SIPA1L1: variants seen among roughly 807,000 people sequenced by gnomAD.
SIPA1L1 encodes the protein signal-induced proliferation-associated 1-like protein 1.
SIPA1L1 carries 26 observed loss-of-function variants against 162.7 expected under a neutral mutation model. That is an observed-to-expected ratio of 0.16 (90% confidence interval 0.12 to 0.22). SIPA1L1 has a LOEUF of 0.22. Ranked by LOEUF, SIPA1L1 falls within the 10% of genes least tolerant of loss-of-function variation. The pLI is 1.00. For missense variants in SIPA1L1, 1,874 were observed against 2,241.0 expected (o/e 0.84, Z 3.31); for synonymous variants, 829 against 837.4 (o/e 0.99, Z 0.17).
At chr14:71,375,577 C>T (rs2039297665) in intron 2 of SIPA1L1, among the ~76,000 whole-genome samples, 3 of 152,106 alleles carry the variant, frequency 2.0e-5, no homozygotes, top group African/African-American at 4.8e-5. Context: ...TTATGCTTTA[C>T]ACCTCTTTTT....
chr14:71,438,585 A>G (rs149792653), intron 2 of SIPA1L1, among the ~76,000 whole-genome samples: 567 of 152,344 alleles, frequency 3.7e-3, no homozygotes, highest in Non-Finnish European at 5.6e-3. Flanking sequence ...CGCATGTGGT[A>G]AAAGGACCAC....
intron 19 of SIPA1L1, among the ~76,000 whole-genome samples, chr14:71,726,292 C>T (rs1241311777): frequency 6.6e-6 from 1 of 152,192 alleles, no homozygotes. Context: ...CCTTAGCAAC[C>T]TTGCGAAAGA....
At chr14:71,680,815 T>C (rs1271916088) in intron 12 of SIPA1L1, among the ~76,000 whole-genome samples, 1 of 152,124 alleles carries the variant, frequency 6.6e-6, no homozygotes, top group African/African-American at 2.4e-5. Context: ...GCAAATAAAC[T>C]AGAAAATCTA....
chr14:71,562,497 A>G (rs1352918137), intron 4 of SIPA1L1, among the ~76,000 whole-genome samples: 1 of 152,200 alleles, frequency 6.6e-6, no homozygotes, highest in East Asian at 1.9e-4. Context: ...TGTGTACATC[A>G]ATAATGTATC....
chr14:71,563,110 T>C (rs1043872646), intron 4 of SIPA1L1, among the ~76,000 whole-genome samples: 1 of 152,240 alleles, frequency 6.6e-6, no homozygotes, highest in African/African-American at 2.4e-5. Context: ...ATACCTGGCG[T>C]AGAGTAGACA....
intron 2 of SIPA1L1, among the ~76,000 whole-genome samples, chr14:71,328,320 T>C (rs781494166): frequency 1.3e-5 from 2 of 152,144 alleles, no homozygotes; most frequent in African/African-American, 2.4e-5. Flanking sequence ...TGATTTTCTG[T>C]GGTTTGGGTG....
At chr14:71,737,354 C>T (rs1470564149) in intron 22 of SIPA1L1, among the ~76,000 whole-genome samples, 1 of 152,122 alleles carries the variant, frequency 6.6e-6, no homozygotes, top group African/African-American at 2.4e-5. Context: ...TGGGAAGAGG[C>T]TCTGCATGTT....
intron 4 of SIPA1L1, among the ~76,000 whole-genome samples, chr14:71,565,305 G>T (rs2030206006): frequency 6.6e-6 from 1 of 152,040 alleles, no homozygotes; most frequent in Non-Finnish European, 1.5e-5. Flanking sequence ...TTAGTAATTT[G>T]CTAGGCTCTG....
At chr14:71,477,622 A>G (rs2047984601) in intron 2 of SIPA1L1, among the ~76,000 whole-genome samples, 1 of 152,132 alleles carries the variant, frequency 6.6e-6, no homozygotes, top group South Asian at 2.1e-4. Context: ...TTTGAAGCTG[A>G]CTTCTTTCCC....
At chr14:71,590,039 AAAAAAATATAT>A (rs1296688025) in intron 5 of SIPA1L1, among the ~76,000 whole-genome samples, 3 of 74,362 alleles carry the variant, frequency 4.0e-5, no homozygotes, top group African/African-American at 1.8e-4. Flanking sequence ...AAAAAAAAAA[AAAAAAATATAT>A]ATATATATAT....
intron 4 of SIPA1L1, among the ~76,000 whole-genome samples, chr14:71,557,648 A>G (rs1437123619): frequency 1.3e-5 from 2 of 152,228 alleles, no homozygotes; most frequent in East Asian, 3.8e-4. Flanking sequence ...GAAAATGAAC[A>G]AAGTAAAATA....
chr14:71,509,120 GT>G (rs2050908722), intron 2 of SIPA1L1, among the ~76,000 whole-genome samples: 1 of 152,206 alleles, frequency 6.6e-6, no homozygotes. Flanking sequence ...ACGAGTTACA[GT>G]TCTCTTGGCC....
chr14:71,651,555 T>A (rs765879971), intron 8 of SIPA1L1, among the ~76,000 whole-genome samples: 1 of 152,178 alleles, frequency 6.6e-6, no homozygotes, highest in African/African-American at 2.4e-5. Context: ...CATAAAGATG[T>A]TAAATTTCAG....
rs919616923 is a variant in SIPA1L1 at position 71,626,978 on chromosome 14, A to AT, written c.1818+2749dup. Among the ~76,000 whole-genome samples, 21 of 151,964 alleles carry AT rather than the reference A, an allele frequency of 1.4e-4. No homozygotes were observed. In the East Asian group the frequency reaches 3.9e-3, roughly 28 times the overall value. On this transcript the variant is annotated intron_variant, in intron 7 of 23. Coordinates refer to ENST00000381232, the MANE Select transcript of SIPA1L1 (RefSeq NM_001386936.1). ...GAAAGCACTGCACAAAAATCTAATA[A>AT]TTTTTTTATTTAACTTGACAGTGAT...
At chr14:71,644,684 G>A (rs950423756) in intron 7 of SIPA1L1, among the ~76,000 whole-genome samples, 1 of 152,210 alleles carries the variant, frequency 6.6e-6, no homozygotes, top group African/African-American at 2.4e-5. Flanking sequence ...AAAGAGTTAA[G>A]TGTTGGGAAA....
At chr14:71,637,900 C>G (rs965000958) in intron 7 of SIPA1L1, among the ~76,000 whole-genome samples, 1 of 152,074 alleles carries the variant, frequency 6.6e-6, no homozygotes, top group African/African-American at 2.4e-5. Context: ...TTACCACCAA[C>G]GCCCCCAATA....
At chr14:71,640,359 TA>T (rs2041585936) in intron 7 of SIPA1L1, among the ~76,000 whole-genome samples, 2 of 152,008 alleles carry the variant, frequency 1.3e-5, no homozygotes, top group African/African-American at 2.4e-5. Context: ...GAGCTTGATC[TA>T]GAAAGAAAAA....
intron 5 of SIPA1L1, among the ~76,000 whole-genome samples, chr14:71,613,774 A>G (rs1297988111): frequency 1.3e-5 from 2 of 152,236 alleles, no homozygotes; most frequent in Admixed American, 6.5e-5. Flanking sequence ...CTTCACTAGC[A>G]AACAATGGAA....
chr14:71,477,308 C>T (rs2047948756), intron 2 of SIPA1L1, among the ~76,000 whole-genome samples: 2 of 152,238 alleles, frequency 1.3e-5, no homozygotes, highest in African/African-American at 4.8e-5. Context: ...CCCACCTCTA[C>T]CTCCTGTCTA....
Sources: gnomAD v4.1 joint callset for allele counts (sites outside exome capture counted in the v4.1 genomes callset) on GRCh38, gnomAD v4.1.1 for gene constraint, MANE v1.5 for transcripts, NCBI Gene and HGNC (gene_info 2026-07-23, HGNC 2026-07-21) for gene names.